MSANTD3: variants seen among roughly 807,000 people sequenced by gnomAD.
MSANTD3 encodes the protein myb/SANT-like DNA-binding domain-containing protein 3.
In MSANTD3, 11 loss-of-function variants were observed where a neutral mutation model predicts 27.7. That is an observed-to-expected ratio of 0.40 (90% CI 0.25 to 0.66). The LOEUF (loss-of-function observed/expected upper bound fraction) is 0.66. MSANTD3 is among the 30% of genes least tolerant of loss of function. The pLI, the probability that MSANTD3 is intolerant of heterozygous loss-of-function variation, is 0.41. For synonymous variants in MSANTD3, 131 were observed against 127.2 expected, an observed-to-expected ratio of 1.03 and a Z score of -0.20; for missense variants, 250 against 336.5, an observed-to-expected ratio of 0.74 and a Z score of 2.01.
chr9:100,441,801 A>T, intron 1 of MSANTD3, 105 bp from the exon 2 acceptor site: 1 of 1,239,310 alleles, frequency 8.1e-7, no homozygotes, highest in Non-Finnish European at 1.1e-6. Context: ...AAAAGAAAGT[A>T]CTGTATTTCA....
intron 2 of MSANTD3, among the ~76,000 whole-genome samples, chr9:100,448,028 C>T (rs776153006): frequency 2.0e-5 from 3 of 151,358 alleles, no homozygotes; most frequent in Non-Finnish European, 4.4e-5. Context: ...CCGTCTCTAC[C>T]AAAAATACAA....
rs1836265586 is a variant in MSANTD3, at chr9:100,427,272, C to T, written c.-155C>T. 6.9e-6 allele frequency: 1 copy of T among 145,600 alleles called. No individual in the cohort carries two copies. Among genetic ancestry groups the T allele is most frequent in the Admixed American group, 6.8e-5 (1 of 14,700 alleles). 9.0% of individuals were successfully genotyped at this position (145,600 alleles called of 1,614,324 possible). ...GGCGCGCCGCCGCCGCCGCCGCCGC[C>T]CGGCGTTCGGGAGCCCGCGGCCCTC... On this transcript the variant is annotated 5_prime_UTR_variant, in exon 1 of 3. Transcript: ENST00000395067.
chr9:100,430,273 C>T (rs1212584905), intron 1 of MSANTD3, among the ~76,000 whole-genome samples: 1 of 146,422 alleles, frequency 6.8e-6, no homozygotes, highest in African/African-American at 2.6e-5. Flanking sequence ...ATGGGCCGGG[C>T]GCGGTGGCTC....
chr9:100,444,881 T>C, intron 2 of MSANTD3: 1 of 252,688 alleles, frequency 4.0e-6, no homozygotes, highest in Non-Finnish European at 7.5e-6. Flanking sequence ...GTTTTTCTTA[T>C]AGTAACATTT....
chr9:100,431,997 GT>G (rs1250105844), intron 1 of MSANTD3, among the ~76,000 whole-genome samples: 1 of 152,172 alleles, frequency 6.6e-6, no homozygotes, highest in Non-Finnish European at 1.5e-5. Context: ...AAGATGGAGT[GT>G]GGGGAAGGGG....
At position 100,450,916 on chromosome 9, in the gene MSANTD3, A is replaced by G. The variant is rs1836869875; in HGVS notation, c.778A>G (p.Lys260Glu). Residue 260 changes from lysine to glutamate, a missense_variant, in exon 3 of 3, where the codon AAG (lysine) becomes GAG (glutamate). Lys to Glu is a moderately conservative substitution (Grantham distance 56). This residue lies in a region of MSANTD3 where 235 missense variants were observed against 299.3 expected (regional missense o/e 0.79). Coordinates refer to ENST00000395067, the MANE Select transcript of MSANTD3 (RefSeq NM_080655.3). The part of the protein sequence containing the change: ...YWERKLQTFT[K>E]EWPVSSFNRP... Reference sequence around the variant, plus strand: ...GGAAAGAAAACTACAAACTTTTACCAAGGAATGGCCTGTTTCCTCATTTAA... The same window carrying G: ...GGAAAGAAAACTACAAACTTTTACCGAGGAATGGCCTGTTTCCTCATTTAA... 1.2e-6 allele frequency: 2 copies of G among 1,611,860 alleles called. No individual in the cohort carries two copies. The highest frequency in any genetic ancestry group is 1.7e-6 in the Non-Finnish European group (2 of 1,179,380).
At chr9:100,442,773 C>T in intron 2 of MSANTD3, among the ~76,000 whole-genome samples, 1 of 143,682 alleles carries the variant, frequency 7.0e-6, no homozygotes, top group South Asian at 2.2e-4. Context: ...TGCGCCACTG[C>T]ACTCCAGCCT....
intron 2 of MSANTD3, among the ~76,000 whole-genome samples, chr9:100,445,788 G>T (rs532515150): frequency 6.6e-6 from 1 of 152,266 alleles, no homozygotes; most frequent in East Asian, 1.9e-4. Flanking sequence ...TTTCAACTGT[G>T]TCATCTTGAT....
At chr9:100,434,924 G>A (rs967022080) in intron 1 of MSANTD3, among the ~76,000 whole-genome samples, 1 of 151,988 alleles carries the variant, frequency 6.6e-6, no homozygotes, top group African/African-American at 2.4e-5. Flanking sequence ...AATTGTGTGT[G>A]TATGAAATAA....
rs1162551321 is a variant in MSANTD3 at position 100,445,422 on chromosome 9, A to G, written c.418+3066A>G. Among the ~76,000 whole-genome samples the G allele has an allele frequency of 1.1e-4, 16 of 152,354 alleles. No homozygotes were observed. In the East Asian group the frequency reaches 2.9e-3, roughly 27 times the overall value. On this transcript the variant is annotated intron_variant, in intron 2 of 2. Coordinates refer to ENST00000395067, the MANE Select transcript of MSANTD3 (RefSeq NM_080655.3). ...ATTAGGATGTGCTATAATTGTGCAC[A>G]CCACATTTTGAAGACTTAGTACCTA...
At chr9:100,437,729 G>C (rs938470508) in intron 1 of MSANTD3, among the ~76,000 whole-genome samples, 2 of 152,166 alleles carry the variant, frequency 1.3e-5, no homozygotes, top group Non-Finnish European at 2.9e-5. Context: ...CCAGGTGTTG[G>C]TAATTCTGAG....
At chr9:100,428,935 G>A (rs1178011069) in intron 1 of MSANTD3, among the ~76,000 whole-genome samples, 1 of 152,150 alleles carries the variant, frequency 6.6e-6, no homozygotes, top group Non-Finnish European at 1.5e-5. Context: ...GAGGCAGGAA[G>A]GGCCCAGGCA....
intron 1 of MSANTD3, among the ~76,000 whole-genome samples, chr9:100,440,780 C>CCT (rs1836598927): frequency 1.2e-5 from 1 of 85,696 alleles, no homozygotes; most frequent in African/African-American, 5.1e-5. Context: ...TTTTTCTTCC[C>CCT]TTTTTTTTTT....
chr9:100,430,487 G>C (rs1347127785), intron 1 of MSANTD3, among the ~76,000 whole-genome samples: 1 of 152,150 alleles, frequency 6.6e-6, no homozygotes, highest in East Asian at 1.9e-4. Context: ...GACCAGATCC[G>C]GAAAGGCCAT....
chr9:100,429,010 A>C (rs1015234168), intron 1 of MSANTD3, among the ~76,000 whole-genome samples: 2 of 152,128 alleles, frequency 1.3e-5, no homozygotes, highest in Admixed American at 1.3e-4. Context: ...TCTGCAGAAT[A>C]CCCAACAGGC....
At chr9:100,442,393 G>C (rs1477035661) in intron 2 of MSANTD3, 37 bp downstream of exon 2, 2 of 1,551,864 alleles carry the variant, frequency 1.3e-6, no homozygotes, top group African/African-American at 1.4e-5. Context: ...CGCTCTCACT[G>C]GGTATCTGTT....
intron 1 of MSANTD3, among the ~76,000 whole-genome samples, chr9:100,440,954 G>A (rs1237757892): frequency 3.0e-4 from 9 of 30,418 alleles, no homozygotes. Flanking sequence ...TTTTTTTTTT[G>A]AGATGGAGTC....
In MSANTD3 at chr9:100,441,920, A is replaced by G; in HGVS notation, c.-19A>G. ...TCCTTTTACAGGATAGCTAGCGGCC[A>G]GGAGAAATACAGTGGAAAATGCAAA... On this transcript the variant is annotated 5_prime_UTR_variant, in exon 2 of 3. Transcript: ENST00000395067. 1 of 1,577,762 alleles carries G rather than the reference A, an allele frequency of 6.3e-7. No homozygotes were observed. Among genetic ancestry groups the G allele is most frequent in the South Asian group, 1.2e-5 (1 of 86,142 alleles).
In MSANTD3 at chr9:100,450,657, A is replaced by T; in HGVS notation, c.519A>T (p.Ser173=). The T allele has an allele frequency of 1.2e-6, 2 of 1,614,152 alleles. No homozygotes were observed. The highest frequency in any genetic ancestry group is 1.7e-6 in the Non-Finnish European group (2 of 1,180,016). Residue 173 remains serine (S), a synonymous_variant, in exon 3 of 3, where the codon TCA becomes TCT. Coordinates refer to ENST00000395067, the MANE Select transcript of MSANTD3 (RefSeq NM_080655.3). ...EGTSQPEPSC[S]AVRITANKNY... ...CCTCTCAACCTGAACCCTCGTGTTC[A>T]GCTGTCAGAATAACAGCCAATAAAA...
Sources: allele counts gnomAD v4.1 joint callset (sites outside exome capture counted in the v4.1 genomes callset), GRCh38; gene constraint gnomAD v4.1.1; regional missense constraint gnomAD v4.1.1; transcripts MANE v1.5; gene names NCBI Gene and HGNC (gene_info 2026-07-23, HGNC 2026-07-21).